The following GRAMD1C variants were observed in gnomAD, a reference collection of about 807,000 sequenced individuals.
GRAMD1C encodes GRAM domain containing 1C.
A neutral mutation model predicts 97.8 loss-of-function variants in GRAMD1C; 89 were observed. The ratio of observed to expected loss-of-function variants is 0.91; its 90% CI spans 0.77 to 1.09. The LOEUF (loss-of-function observed/expected upper bound fraction) is 1.09, where lower values mean the gene tolerates loss of function less well. GRAMD1C is among the 50% of genes least tolerant of loss of function. The pLI is 0.00. For missense variants in GRAMD1C, 740 were observed against 766.4 expected (o/e 0.97, Z 0.41); for synonymous variants, 256 against 267.0 (o/e 0.96, Z 0.40).
At chr3:113,834,811 G>A (rs1709611625), upstream of GRAMD1C, among the ~76,000 whole-genome samples, 2 of 151,628 alleles carry the variant, frequency 1.3e-5, no homozygotes, top group South Asian at 2.1e-4. Flanking sequence ...GTGGTGGTGG[G>A]CACCTGTTAT....
At chr3:113,858,811 G>A (rs146144917) in intron 2 of GRAMD1C, among the ~76,000 whole-genome samples, 212 of 152,142 alleles carry the variant, frequency 1.4e-3, no homozygotes, top group African/African-American at 4.8e-3. Context: ...CGCCCTCCTC[G>A]GCTTCCCAAA....
chr3:113,920,791 C>T (rs1385768232), intron 10 of GRAMD1C, among the ~76,000 whole-genome samples: 1 of 152,164 alleles, frequency 6.6e-6, no homozygotes, highest in African/African-American at 2.4e-5. Flanking sequence ...GATCCACCTG[C>T]CTCGGCCTCC....
At chr3:113,930,956 AC>A in intron 11 of GRAMD1C, 124 bp downstream of exon 11, 1 of 612,102 alleles carries the variant, frequency 1.6e-6, no homozygotes, top group Non-Finnish European at 2.9e-6. Flanking sequence ...GGGAGGAGAA[AC>A]TGTTACAGGT....
At chr3:113,913,274 C>A in intron 9 of GRAMD1C, 1 of 381,306 alleles carries the variant, frequency 2.6e-6, no homozygotes, top group Admixed American at 3.5e-5. Flanking sequence ...CTTGTAATCC[C>A]AGCACTTTGG....
At chr3:113,861,415 A>C (rs1268394782) in intron 2 of GRAMD1C, among the ~76,000 whole-genome samples, 1 of 152,148 alleles carries the variant, frequency 6.6e-6, no homozygotes, top group Non-Finnish European at 1.5e-5. Flanking sequence ...CTGAGGTGGG[A>C]GTTCACTTGA....
intron 1 of GRAMD1C, among the ~76,000 whole-genome samples, chr3:113,832,795 A>C (rs1279015486): frequency 6.6e-6 from 1 of 152,306 alleles, no homozygotes; most frequent in South Asian, 2.1e-4. Context: ...GAAACAAGCA[A>C]TTATCTTCCA....
At chr3:113,830,227 A>G (rs1709539849) in intron 1 of GRAMD1C, among the ~76,000 whole-genome samples, 1 of 152,146 alleles carries the variant, frequency 6.6e-6, no homozygotes, top group South Asian at 2.1e-4. Context: ...GGTTCTCTAC[A>G]TGGCCAGGCA....
chr3:113,912,624 G>A (rs1404425139), intron 9 of GRAMD1C, among the ~76,000 whole-genome samples: 2 of 151,832 alleles, frequency 1.3e-5, no homozygotes, highest in Admixed American at 6.6e-5. Context: ...TCCTAGCTAC[G>A]CAGGAGGCTG....
chr3:113,872,391 C>CTTTTTTTTTTTTTTTTTTT (rs777339692), intron 3 of GRAMD1C, among the ~76,000 whole-genome samples: 2 of 117,462 alleles, frequency 1.7e-5, no homozygotes, highest in African/African-American at 3.6e-5. Context: ...TCTTTTTTTT[C>CTTTTTTTTTTTTTTTTTTT]TTTTTTTTTT....
chr3:113,883,584 A>G (rs1398085730), intron 6 of GRAMD1C, among the ~76,000 whole-genome samples: 2 of 152,124 alleles, frequency 1.3e-5, no homozygotes, highest in Non-Finnish European at 2.9e-5. Context: ...TATATAAGAG[A>G]CAAATTAGAT....
At chr3:113,857,601 C>T (rs779979405) in intron 2 of GRAMD1C, among the ~76,000 whole-genome samples, 13 of 152,096 alleles carry the variant, frequency 8.5e-5, no homozygotes, top group Non-Finnish European at 1.3e-4. Context: ...TGGTCTCGAT[C>T]GCCTGACCTC....
At chr3:113,880,961 A>G (rs1935235113) in intron 5 of GRAMD1C, among the ~76,000 whole-genome samples, 1 of 152,058 alleles carries the variant, frequency 6.6e-6, no homozygotes, top group Non-Finnish European at 1.5e-5. Flanking sequence ...ATGGTAAAAA[A>G]TTCTGTACTA....
At chr3:113,919,888 C>G (rs1399083549) in intron 10 of GRAMD1C, 2 of 652,650 alleles carry the variant, frequency 3.1e-6, no homozygotes, top group Non-Finnish European at 2.9e-6. Context: ...GACCCAGTAC[C>G]ACAGCAGAAA....
chr3:113,873,642 C>T (rs1174310235), intron 3 of GRAMD1C, among the ~76,000 whole-genome samples: 2 of 152,090 alleles, frequency 1.3e-5, no homozygotes, highest in Non-Finnish European at 2.9e-5. Context: ...CCTCGGCCTC[C>T]CGAGTAGCTG....
intron 6 of GRAMD1C, chr3:113,885,621 C>A: frequency 1.3e-6 from 2 of 1,502,514 alleles, no homozygotes; most frequent in Non-Finnish European, 1.9e-6. Flanking sequence ...GTTTTTTGTA[C>A]GTAAGAGGCC....
chr3:113,890,997 T>C lies in GRAMD1C; in HGVS notation c.540+8165T>C, dbSNP rs1164702749. 4 of 481,652 alleles carry C rather than the reference T, an allele frequency of 8.3e-6. No individual in the cohort carries two copies. The East Asian group carries it at 1.3e-4, about 16-fold the overall frequency. The allele number at this position is 481,652 out of a possible 1,614,324, so 29.8% of individuals were successfully genotyped here. A position where few individuals can be genotyped will look rare whatever the true frequency, so the allele number is the denominator to read the frequency against. On this transcript the variant is annotated intron_variant, in intron 6 of 17. Transcript: ENST00000358160. ...CTTCTTTGAAAAGATCCTGATATTATCTGTGTTTCTGATGTATACACACGG... is the reference window on the plus strand; with the variant it reads ...CTTCTTTGAAAAGATCCTGATATTACCTGTGTTTCTGATGTATACACACGG...
At chr3:113,927,608 C>T (rs564598569) in intron 10 of GRAMD1C, among the ~76,000 whole-genome samples, 2 of 152,256 alleles carry the variant, frequency 1.3e-5, no homozygotes, top group East Asian at 1.9e-4. Flanking sequence ...TAGGGGAACA[C>T]GGGGTTGTGC....
At chr3:113,850,321 C>A (rs1042840704) in intron 2 of GRAMD1C, 2 of 722,248 alleles carry the variant, frequency 2.8e-6, no homozygotes, top group Non-Finnish European at 5.1e-6. Flanking sequence ...CCTCGACTTT[C>A]TTGTTGGCAC....
chr3:113,924,719 T>G (rs1414004051), intron 10 of GRAMD1C, among the ~76,000 whole-genome samples: 1 of 152,202 alleles, frequency 6.6e-6, no homozygotes, highest in Non-Finnish European at 1.5e-5. Flanking sequence ...ATGTGCCAGG[T>G]GCAAATGAGA....
Sources: allele counts gnomAD v4.1 joint callset (sites outside exome capture counted in the v4.1 genomes callset), GRCh38; gene constraint gnomAD v4.1.1; transcripts MANE v1.5; gene names NCBI Gene and HGNC (gene_info 2026-07-23, HGNC 2026-07-21).